The following ZNF487 variants were observed in gnomAD, a reference collection of about 807,000 sequenced individuals.
ZNF487 encodes the protein KRAB domain only 1.
Under a neutral mutation model 3.0 loss-of-function variants are expected in ZNF487, and 4 were observed. The ratio of observed to expected loss-of-function variants is 1.35; its 90% CI spans 0.66 to 3.08. ZNF487 has a LOEUF of 3.08. ZNF487 is among the 30% of genes most tolerant of loss of function. The pLI is 0.01. For synonymous variants in ZNF487, 55 were observed against 34.6 expected (o/e 1.59, Z -2.06); for missense variants, 146 against 98.7 (o/e 1.48, Z -2.03).
chr10:43,454,769 A>G (rs547389305), intron 1 of ZNF487: 2 of 152,060 alleles, frequency 1.3e-5, no homozygotes, highest in Non-Finnish European at 2.9e-5. Context: ...GAGCCATGTC[A>G]AGAATGCATT....
the ZNF487 span, among the ~76,000 whole-genome samples, chr10:43,516,462 G>T: frequency 6.6e-6 from 1 of 152,218 alleles, no homozygotes; most frequent in East Asian, 1.9e-4. Flanking sequence ...GAACTCTAAT[G>T]GAATATGTGT....
chr10:43,464,928 A>G (rs1840611102), intron 1 of ZNF487, among the ~76,000 whole-genome samples: 1 of 151,404 alleles, frequency 6.6e-6, no homozygotes, highest in African/African-American at 2.4e-5. Context: ...GGGGCTCCTC[A>G]CTTCCCAGTA....
intron 1 of ZNF487, among the ~76,000 whole-genome samples, chr10:43,440,213 TA>T (rs1839547359): frequency 6.6e-6 from 1 of 151,926 alleles, no homozygotes; most frequent in Non-Finnish European, 1.5e-5. Flanking sequence ...CATGCCTGGC[TA>T]ATTTTTTATA....
the ZNF487 span, among the ~76,000 whole-genome samples, chr10:43,505,460 T>A: frequency 4.0e-4 from 60 of 151,372 alleles, no homozygotes; most frequent in Middle Eastern, 6.8e-3. Flanking sequence ...AATTTTTGTA[T>A]TTTTAGTAGA....
At chr10:43,492,973 G>A in the ZNF487 span, among the ~76,000 whole-genome samples, 3 of 152,172 alleles carry the variant, frequency 2.0e-5, no homozygotes. Context: ...GCTCATGCCT[G>A]TAATCCCAGC....
chr10:43,488,777 C>T, the ZNF487 span, among the ~76,000 whole-genome samples: 1 of 152,124 alleles, frequency 6.6e-6, no homozygotes. Context: ...AATGACTGAC[C>T]AAGTAGGGTT....
chr10:43,467,753 G>A (rs1293212385), intron 1 of ZNF487, among the ~76,000 whole-genome samples: 3 of 151,178 alleles, frequency 2.0e-5, no homozygotes, highest in African/African-American at 7.3e-5. Flanking sequence ...GGAGGCAGAG[G>A]TTGCAGTGAG....
At chr10:43,504,963 C>T in the ZNF487 span, among the ~76,000 whole-genome samples, 1 of 152,070 alleles carries the variant, frequency 6.6e-6, no homozygotes, top group East Asian at 1.9e-4. Flanking sequence ...ACCTAAGCCT[C>T]CCAAAGTGTT....
chr10:43,491,888 G>A, the ZNF487 span, among the ~76,000 whole-genome samples: 1 of 151,794 alleles, frequency 6.6e-6, no homozygotes, highest in Non-Finnish European at 1.5e-5. Context: ...TTGAGCAAGA[G>A]ACAGAAGAAA....
At chr10:43,503,490 G>A in the ZNF487 span, among the ~76,000 whole-genome samples, 3 of 152,138 alleles carry the variant, frequency 2.0e-5, no homozygotes, top group African/African-American at 7.2e-5. Context: ...TAGAGTAATA[G>A]TACTGTTCTA....
chr10:43,502,627 A>G, the ZNF487 span, among the ~76,000 whole-genome samples: 4 of 152,244 alleles, frequency 2.6e-5, no homozygotes, highest in Non-Finnish European at 5.9e-5. Context: ...AGCACATACA[A>G]TGATGTATCA....
the ZNF487 span, among the ~76,000 whole-genome samples, chr10:43,506,237 G>A: frequency 3.9e-5 from 6 of 152,156 alleles, no homozygotes; most frequent in Admixed American, 2.0e-4. Flanking sequence ...GCCCAGGCCC[G>A]GCTCTGTGGC....
chr10:43,447,923 C>A (rs929010605), intron 1 of ZNF487, among the ~76,000 whole-genome samples: 4 of 151,028 alleles, frequency 2.6e-5, no homozygotes, highest in Admixed American at 6.6e-5. Flanking sequence ...GGACTCATCT[C>A]ATTTGTTTCC....
At chr10:43,448,143 T>A (rs1353512907) in intron 1 of ZNF487, among the ~76,000 whole-genome samples, 2 of 151,864 alleles carry the variant, frequency 1.3e-5, no homozygotes, top group East Asian at 3.9e-4. Context: ...GTGCCTGCCA[T>A]CATGCCCGGC....
intron 3 of ZNF487, among the ~76,000 whole-genome samples, chr10:43,479,773 G>A (rs752950558): frequency 6.6e-6 from 1 of 152,036 alleles, no homozygotes; most frequent in Non-Finnish European, 1.5e-5. Context: ...TCAGCCACCC[G>A]AGTAGCTGGG....
chr10:43,502,793 G>T, the ZNF487 span, among the ~76,000 whole-genome samples: 1 of 152,074 alleles, frequency 6.6e-6, no homozygotes, highest in Non-Finnish European at 1.5e-5. Context: ...CACTTTGCGG[G>T]GCCAAGCCGG....
Position 43,481,594 on chromosome 10 carries a change from G to T in ZNF487, c.296G>T (p.Arg99Leu). 1.4e-6 allele frequency: 1 copy of T among 696,136 alleles called. No individual in the cohort carries two copies. Among genetic ancestry groups the T allele is most frequent in the Non-Finnish European group, 2.6e-6 (1 of 377,758 alleles). The allele number at this position is 696,136 out of a possible 1,614,324, so 43.1% of individuals were successfully genotyped here. ...DTNPILSRKI[R>L]GNCDSSGMNL... is the part of the protein sequence containing the mutation. ...AACCCCATTCTATCAAGAAAAATAC[G>T]TGGCAACTGTGACTCATCTGGAATG... The change falls in exon 4 of 4, where the codon CGT becomes CTT. Residue 99 changes from arginine (R) to leucine (L), a missense_variant. By Grantham distance (102) the Arg-to-Leu change is moderately radical. Coordinates refer to ENST00000437590, the MANE Select transcript of ZNF487 (RefSeq NM_001355444.3).
At chr10:43,487,136 ATTTTT>A (rs5784601), downstream of ZNF487, among the ~76,000 whole-genome samples, 4 of 120,646 alleles carry the variant, frequency 3.3e-5, no homozygotes, top group Non-Finnish European at 3.5e-5. Context: ...GTCACTAAGA[ATTTTT>A]TTTTTTTTTT....
At chr10:43,480,485 G>A (rs756547049) in intron 3 of ZNF487, among the ~76,000 whole-genome samples, 3 of 151,356 alleles carry the variant, frequency 2.0e-5, no homozygotes, top group Non-Finnish European at 2.9e-5. Context: ...GCATGATCTC[G>A]GCTCACTGCA....
Sources: gnomAD v4.1 joint callset for allele counts (sites outside exome capture counted in the v4.1 genomes callset) on GRCh38, gnomAD v4.1.1 for gene constraint, MANE v1.5 for transcripts, NCBI Gene and HGNC (gene_info 2026-07-23, HGNC 2026-07-21) for gene names.